TAF1B: variants seen among roughly 807,000 people sequenced by gnomAD.
The protein encoded by TAF1B is TATA-box binding protein associated factor, RNA polymerase I subunit B.
In TAF1B, 61 loss-of-function variants were observed where a neutral mutation model predicts 83.9. That is an observed-to-expected ratio of 0.73 (90% CI 0.59 to 0.90). The LOEUF is 0.90. TAF1B is among the 40% of genes least tolerant of loss of function. TAF1B has a pLI of 0.00. For missense variants in TAF1B, 625 were observed against 677.0 expected (o/e 0.92, Z 0.85); for synonymous variants, 221 against 224.6 (o/e 0.98, Z 0.14).
chr2:9,902,454 G>A (rs1665211412), intron 8 of TAF1B, among the ~76,000 whole-genome samples: 1 of 152,142 alleles, frequency 6.6e-6, no homozygotes, highest in Admixed American at 6.5e-5. Context: ...TAACAGTACA[G>A]AAGATGGGGA....
At position 9,911,943 on chromosome 2, in the gene TAF1B, C is replaced by G. The variant is rs17364070; in HGVS notation, c.1180+386C>G. Among the ~76,000 whole-genome samples, 1,455 of 152,318 alleles carry G rather than the reference C, an allele frequency of 9.6e-3. 11 individuals carry two copies. The highest frequency in any genetic ancestry group is 0.016 in the Non-Finnish European group (1,113 of 68,024). ...ACCCCAACTCCTGTTCAGTCCCTGG[C>G]AAATGCCTCTTTATTCTTGAAGATG... On this transcript the variant is annotated intron_variant, in intron 11 of 14. Transcript: ENST00000263663.
intron 12 of TAF1B, among the ~76,000 whole-genome samples, chr2:9,915,074 G>GT (rs1451098436): frequency 6.6e-6 from 1 of 152,176 alleles, no homozygotes; most frequent in East Asian, 1.9e-4. Flanking sequence ...CTAAAACAGC[G>GT]TAAGAGGCTA....
intron 8 of TAF1B, among the ~76,000 whole-genome samples, chr2:9,898,616 G>A (rs1010475708): frequency 6.6e-6 from 1 of 152,174 alleles, no homozygotes; most frequent in Admixed American, 6.5e-5. Flanking sequence ...TCCTCTCTCT[G>A]TAAGTCATTG....
chr2:9,919,184 A>G, intron 13 of TAF1B, 73 bp downstream of exon 13: 1 of 1,293,500 alleles, frequency 7.7e-7, no homozygotes, highest in Non-Finnish European at 1.1e-6. Flanking sequence ...TGGACTTGAA[A>G]TGTTGAATGC....
intron 8 of TAF1B, among the ~76,000 whole-genome samples, chr2:9,884,882 C>A (rs1421047231): frequency 3.9e-5 from 6 of 152,066 alleles, no homozygotes; most frequent in East Asian, 1.9e-4. Context: ...AGGAGCTTCC[C>A]ACTCTAAATC....
chr2:9,916,837 C>CTTTTTTTTTTTTATTTTTT (rs1665694162), intron 12 of TAF1B, among the ~76,000 whole-genome samples: 1 of 95,720 alleles, frequency 1.0e-5, no homozygotes, highest in Non-Finnish European at 2.3e-5. Flanking sequence ...CCTTTCTGTT[C>CTTTTTTTTTTTTATTTTTT]TTTTTTTTTT....
At chr2:9,924,174 T>C (rs950094904) in intron 14 of TAF1B, among the ~76,000 whole-genome samples, 2 of 152,162 alleles carry the variant, frequency 1.3e-5, no homozygotes, top group Non-Finnish European at 2.9e-5. Context: ...CCTTACCTGT[T>C]CTAGACCAGA....
At chr2:9,926,468 T>G (rs1302225070) in intron 14 of TAF1B, among the ~76,000 whole-genome samples, 1 of 152,206 alleles carries the variant, frequency 6.6e-6, no homozygotes, top group Admixed American at 6.6e-5. Flanking sequence ...ATTTTGTGTA[T>G]AGACAGTGCC....
chr2:9,872,250 C>T lies in TAF1B; in HGVS notation c.554-3615C>T, dbSNP rs947044483. 5.9e-5 allele frequency among the ~76,000 whole-genome samples: 9 copies of T among 151,622 alleles called. No homozygotes were observed. The South Asian group carries it at 1.0e-3, about 18-fold the overall frequency. ...CTGAGGCAGGAGAGTGGCTTGAACCCGGGAGTTGGAGGTTGTGGTGAGCTG... is the reference window on the plus strand; with the variant it reads ...CTGAGGCAGGAGAGTGGCTTGAACCTGGGAGTTGGAGGTTGTGGTGAGCTG... On this transcript the variant is annotated intron_variant, in intron 6 of 14. Coordinates refer to ENST00000263663, the MANE Select transcript of TAF1B (RefSeq NM_005680.3).
At chr2:9,845,812 G>A (rs573969695) in intron 2 of TAF1B, 22 of 267,130 alleles carry the variant, frequency 8.2e-5, no homozygotes, top group Non-Finnish European at 1.5e-4. Context: ...GGGAAACTCC[G>A]TCTCTACTAA....
At chr2:9,906,730 T>G (rs12612554) in intron 9 of TAF1B, among the ~76,000 whole-genome samples, 143,074 of 152,304 alleles carry the variant, frequency 0.94, 67,846 homozygotes, top group East Asian at 1. Context: ...TTCATGAAAA[T>G]ATTAGAAGTA....
At chr2:9,896,169 C>G (rs1293631987) in intron 8 of TAF1B, among the ~76,000 whole-genome samples, 2 of 152,224 alleles carry the variant, frequency 1.3e-5, no homozygotes, top group East Asian at 1.9e-4. Context: ...TAGACACATC[C>G]TCAGCCAAGT....
Position 9,934,157 on chromosome 2 carries a change from G to C in TAF1B, c.*173G>C, listed in dbSNP as rs1371929900. On this transcript the variant is annotated 3_prime_UTR_variant, in exon 15 of 15. Transcript: ENST00000263663. ...GAAAAATGTATATTGTAAAGCAGGT[G>C]AGCTTCATTTGATTTTATTTTTCAG... 1.3e-5 allele frequency: 7 copies of C among 547,368 alleles called. No individual in the cohort carries two copies. The highest frequency in any genetic ancestry group is 2.2e-5 in the Non-Finnish European group (7 of 317,638). The allele number at this position is 547,368 out of a possible 1,614,324, so 33.9% of individuals were successfully genotyped here. A position where few individuals can be genotyped will look rare whatever the true frequency, so the allele number is the denominator to read the frequency against.
intron 5 of TAF1B, among the ~76,000 whole-genome samples, chr2:9,860,466 A>G (rs920479099): frequency 6.6e-6 from 1 of 152,188 alleles, no homozygotes; most frequent in African/African-American, 2.4e-5. Flanking sequence ...CTTGATTTCT[A>G]GGATGTTAAA....
chr2:9,887,294 C>G (rs554834447), intron 8 of TAF1B, among the ~76,000 whole-genome samples: 1 of 152,320 alleles, frequency 6.6e-6, no homozygotes, highest in East Asian at 1.9e-4. Context: ...GCTCTTTGAT[C>G]TGAAACCATT....
chr2:9,907,916 C>G (rs573198607), intron 9 of TAF1B, among the ~76,000 whole-genome samples: 1 of 151,912 alleles, frequency 6.6e-6, no homozygotes, highest in South Asian at 2.1e-4. Context: ...CCACCCTCTG[C>G]TCCCTTCCAA....
At chr2:9,919,148 A>T in intron 13 of TAF1B, 37 bp downstream of exon 13, 1 of 1,532,188 alleles carries the variant, frequency 6.5e-7, no homozygotes, top group Non-Finnish European at 9.0e-7. Context: ...CCAAGTAGCA[A>T]CACAGTTGTA....
intron 5 of TAF1B, among the ~76,000 whole-genome samples, chr2:9,865,399 C>T (rs1451770881): frequency 6.6e-6 from 1 of 152,160 alleles, no homozygotes; most frequent in Admixed American, 6.5e-5. Flanking sequence ...CGAAGGACCT[C>T]TTCGAGGAGA....
At chr2:9,929,398 T>C (rs765382874) in intron 14 of TAF1B, among the ~76,000 whole-genome samples, 1 of 152,154 alleles carries the variant, frequency 6.6e-6, no homozygotes, top group Non-Finnish European at 1.5e-5. Flanking sequence ...GACCTCGTGA[T>C]CCACCCACGT....
Sources: allele counts gnomAD v4.1 joint callset (sites outside exome capture counted in the v4.1 genomes callset), GRCh38; gene constraint gnomAD v4.1.1; transcripts MANE v1.5; gene names NCBI Gene and HGNC (gene_info 2026-07-23, HGNC 2026-07-21).